ZFHX3: variants seen among roughly 807,000 people sequenced by gnomAD.
The protein encoded by ZFHX3 is zinc finger homeobox protein 3.
In ZFHX3, 42 loss-of-function variants were observed where a neutral mutation model predicts 279.1. The ratio of observed to expected loss-of-function variants is 0.15; its 90% confidence interval spans 0.12 to 0.19. ZFHX3 has a LOEUF of 0.19. Ranked by LOEUF, ZFHX3 falls within the 10% of genes least tolerant of loss-of-function variation. The pLI is 1.00. For synonymous variants in ZFHX3, 2,293 were observed against 1,957.8 expected, an observed-to-expected ratio of 1.17 and a Z score of -4.52; for missense variants, 4,981 against 4,754.0, an observed-to-expected ratio of 1.05 and a Z score of -1.40.
At chr16:73,346,086 A>G (rs968678578) in intron 3 of ZFHX3, among the ~76,000 whole-genome samples, 6 of 151,950 alleles carry the variant, frequency 3.9e-5, no homozygotes, top group Non-Finnish European at 8.8e-5. Context: ...AGGCTCAGCG[A>G]CCCTGCACCT....
chr16:72,960,627 G>A (rs776303291), intron 1 of ZFHX3, among the ~76,000 whole-genome samples: 7 of 152,184 alleles, frequency 4.6e-5, no homozygotes, highest in African/African-American at 7.2e-5. Context: ...CCGACTCCGC[G>A]CACTGTCTGT....
At chr16:73,700,924 T>C (rs16972325) in intron 1 of ZFHX3, among the ~76,000 whole-genome samples, 2,272 of 152,342 alleles carry the variant, frequency 0.015, 59 homozygotes, top group African/African-American at 0.052. Flanking sequence ...CAAAATTAGT[T>C]TTCTAAAATT....
chr16:73,173,309 G>A (rs549559849), intron 5 of ZFHX3, among the ~76,000 whole-genome samples: 1 of 152,096 alleles, frequency 6.6e-6, no homozygotes, highest in East Asian at 1.9e-4. Context: ...GAGATCTTCC[G>A]TGGGCGACGG....
chr16:73,386,039 C>T (rs1035325489), intron 3 of ZFHX3, among the ~76,000 whole-genome samples: 3 of 152,132 alleles, frequency 2.0e-5, no homozygotes, highest in Non-Finnish European at 4.4e-5. Flanking sequence ...CACAAAGAAG[C>T]ACTAAAGAAA....
intron 2 of ZFHX3, among the ~76,000 whole-genome samples, chr16:73,581,717 C>T (rs2051863514): frequency 2.5e-5 from 3 of 119,172 alleles, no homozygotes; most frequent in African/African-American, 1.0e-4. Context: ...GTTGCCCAGG[C>T]TGGAGTGCAG....
At chr16:72,951,990 C>T (rs1961023416) in intron 2 of ZFHX3, among the ~76,000 whole-genome samples, 1 of 152,350 alleles carries the variant, frequency 6.6e-6, no homozygotes, top group Non-Finnish European at 1.5e-5. Flanking sequence ...GTGTCTCACA[C>T]CCCTAATCCA....
intron 2 of ZFHX3, among the ~76,000 whole-genome samples, chr16:73,496,109 A>T (rs1459878944): frequency 6.6e-6 from 1 of 152,252 alleles, no homozygotes; most frequent in Admixed American, 6.5e-5. Context: ...TAAATCCTAA[A>T]GTAAGGTGCT....
intron 3 of ZFHX3, among the ~76,000 whole-genome samples, chr16:73,425,490 G>A (rs1266916229): frequency 1.3e-5 from 2 of 152,140 alleles, no homozygotes; most frequent in Non-Finnish European, 1.5e-5. Flanking sequence ...AAGGATCCAA[G>A]CGCTAAAGTG....
chr16:73,057,903 G>A (rs1395884825), intron 1 of ZFHX3, among the ~76,000 whole-genome samples: 1 of 148,778 alleles, frequency 6.7e-6, no homozygotes, highest in Non-Finnish European at 1.5e-5. Flanking sequence ...CGACCGCGGC[G>A]ACTGCTCCGG....
intron 1 of ZFHX3, among the ~76,000 whole-genome samples, chr16:73,804,915 G>GAGAGGGAGGGAGGGAGA (rs1213343893): frequency 1.8e-4 from 21 of 119,154 alleles, no homozygotes; most frequent in African/African-American, 8.3e-4. Context: ...GGGAGGGAGG[G>GAGAGGGAGGGAGGGAGA]GAGGGAGAGG....
intron 3 of ZFHX3, among the ~76,000 whole-genome samples, chr16:73,437,101 A>C (rs186021018): frequency 4.7e-4 from 72 of 152,310 alleles, no homozygotes; most frequent in African/African-American, 1.7e-3. Context: ...TCTTACAAAT[A>C]GTAGAAACTT....
At chr16:73,634,434 A>G in intron 2 of ZFHX3, among the ~76,000 whole-genome samples, 1 of 2,622 alleles carries the variant, frequency 3.8e-4, no homozygotes, top group East Asian at 9.1e-3. Context: ...ATTATGTATA[A>G]TATATATATA....
At position 72,787,052 on chromosome 16, in the gene ZFHX3, T is replaced by TG; in HGVS notation, c.*111_*112insC. On this transcript the variant is annotated 3_prime_UTR_variant, in exon 10 of 10. Transcript: ENST00000268489. ...TTTCTTTTTTTTCTTTTTTTTTTTT[T>TG]TTTTGTTTTTTGGTTAGAAGCTTTG... 1.9e-6 allele frequency: 2 copies of TG among 1,048,790 alleles called. No individual in the cohort carries two copies. The highest frequency in any genetic ancestry group is 2.4e-6 in the Non-Finnish European group (2 of 827,598). 65.0% of individuals were successfully genotyped at this position (1,048,790 alleles called of 1,614,324 possible).
chr16:73,053,578 C>G (rs1324326323), intron 1 of ZFHX3, among the ~76,000 whole-genome samples: 1 of 152,016 alleles, frequency 6.6e-6, no homozygotes, highest in Non-Finnish European at 1.5e-5. Flanking sequence ...AGAAAGGAAG[C>G]TGAGATGAAT....
intron 1 of ZFHX3, among the ~76,000 whole-genome samples, chr16:73,012,588 G>A (rs1439608286): frequency 6.6e-6 from 1 of 152,208 alleles, no homozygotes; most frequent in Admixed American, 6.5e-5. Context: ...CATCCTCCAA[G>A]TCCTCCTTGG....
chr16:73,652,532 T>C (rs1408560945), intron 2 of ZFHX3, among the ~76,000 whole-genome samples: 1 of 152,064 alleles, frequency 6.6e-6, no homozygotes, highest in Non-Finnish European at 1.5e-5. Context: ...AAGAAGAAGA[T>C]AAAAGAAAGA....
intron 2 of ZFHX3, among the ~76,000 whole-genome samples, chr16:73,472,596 T>C (rs977077210): frequency 6.6e-6 from 1 of 152,146 alleles, no homozygotes; most frequent in Non-Finnish European, 1.5e-5. Flanking sequence ...TCACCCTTCA[T>C]TTTCCCTCCT....
chr16:72,949,720 G>A (rs1960881850), intron 3 of ZFHX3, among the ~76,000 whole-genome samples: 1 of 148,254 alleles, frequency 6.7e-6, no homozygotes, highest in Non-Finnish European at 1.5e-5. Flanking sequence ...ATAAGGAAGA[G>A]AAAGAGGACA....
At chr16:73,650,863 T>C (rs185694309) in intron 2 of ZFHX3, among the ~76,000 whole-genome samples, 9 of 151,574 alleles carry the variant, frequency 5.9e-5, no homozygotes, top group African/African-American at 2.2e-4. Context: ...TAGCTCAGAA[T>C]AAAAAGAAAT....
Sources: gnomAD v4.1 joint callset for allele counts (sites outside exome capture counted in the v4.1 genomes callset) on GRCh38, gnomAD v4.1.1 for gene constraint, MANE v1.5 for transcripts, NCBI Gene and HGNC (gene_info 2026-07-23, HGNC 2026-07-21) for gene names.